Variants in HIP1 observed in about 807,000 individuals in gnomAD.
HIP1 encodes the protein huntingtin-interacting protein 1.
A neutral mutation model predicts 147.6 loss-of-function variants in HIP1; 65 were observed. The observed-to-expected ratio is 0.44, with a 90% CI of 0.36 to 0.54. HIP1 has a LOEUF of 0.54. Ranked by LOEUF, HIP1 falls within the 20% of genes least tolerant of loss-of-function variation. The pLI is 0.00. For synonymous variants in HIP1, 479 were observed against 504.0 expected, an observed-to-expected ratio of 0.95 and a Z score of 0.67; for missense variants, 1,061 against 1,299.6, an observed-to-expected ratio of 0.82 and a Z score of 2.82.
intron 1 of HIP1, among the ~76,000 whole-genome samples, chr7:75,612,367 G>A (rs781952304): frequency 6.6e-6 from 1 of 151,966 alleles, no homozygotes; most frequent in Non-Finnish European, 1.5e-5. Context: ...AAATTAGCCA[G>A]GGGTGGTGGC....
intron 1 of HIP1, chr7:75,626,611 G>A (rs1453936241): frequency 6.6e-6 from 1 of 152,176 alleles, no homozygotes; most frequent in Non-Finnish European, 1.5e-5. Context: ...AGCCCACCCA[G>A]GTAAGCACAC....
intron 17 of HIP1, 26 bp from the exon 18 acceptor site, chr7:75,556,195 G>C (rs1554493296): frequency 1.9e-6 from 3 of 1,611,488 alleles, no homozygotes; most frequent in Non-Finnish European, 2.5e-6. Flanking sequence ...CAAGGAAAGA[G>C]GGAGACGCTG....
chr7:75,675,234 T>C (rs1346855198), intron 1 of HIP1, among the ~76,000 whole-genome samples: 2 of 152,102 alleles, frequency 1.3e-5, no homozygotes, highest in African/African-American at 4.8e-5. Flanking sequence ...GAAGTCTTGC[T>C]CTGCTGCCCA....
chr7:75,699,741 T>C (rs1234137306), intron 1 of HIP1, among the ~76,000 whole-genome samples: 1 of 152,198 alleles, frequency 6.6e-6, no homozygotes, highest in Non-Finnish European at 1.5e-5. Context: ...TACCAGACCC[T>C]GAAGGTGGGT....
chr7:75,631,887 G>C (rs782517517), intron 1 of HIP1, among the ~76,000 whole-genome samples: 4 of 152,040 alleles, frequency 2.6e-5, no homozygotes, highest in Non-Finnish European at 5.9e-5. Context: ...CGTGTGTTGT[G>C]GGGGAGATTG....
chr7:75,583,756 T>TG (rs1796144551), intron 5 of HIP1, among the ~76,000 whole-genome samples: 9 of 115,406 alleles, frequency 7.8e-5, no homozygotes, highest in African/African-American at 2.7e-4. Flanking sequence ...GCGGGCTAAT[T>TG]TGTGTGTGTG....
chr7:75,711,841 G>A (rs537952494), intron 1 of HIP1, among the ~76,000 whole-genome samples: 1 of 152,248 alleles, frequency 6.6e-6, no homozygotes, highest in South Asian at 2.1e-4. Flanking sequence ...CCAGCACTTG[G>A]GAGAGAGAGG....
At chr7:75,625,792 CG>C (rs1798014386) in intron 1 of HIP1, 1 of 151,990 alleles carries the variant, frequency 6.6e-6, no homozygotes, top group African/African-American at 2.4e-5. Context: ...CTTTGGAGGC[CG>C]GGCGTGGTGG....
intron 19 of HIP1, among the ~76,000 whole-genome samples, chr7:75,555,195 C>CGGGGG (rs371043786): frequency 0.043 from 1,010 of 23,452 alleles, 21 homozygotes; most frequent in Non-Finnish European, 0.065. Flanking sequence ...AGCGGGGGGG[C>CGGGGG]GGGGGGGGGG....
intron 1 of HIP1, among the ~76,000 whole-genome samples, chr7:75,636,024 CAAAAAAAAA>C (rs34434184): frequency 1.9e-5 from 1 of 53,708 alleles, no homozygotes; most frequent in African/African-American, 9.0e-5. Context: ...GACCCTGTCT[CAAAAAAAAA>C]AAAAAAAAAA....
At chr7:75,720,050 G>T (rs1801452025) in intron 1 of HIP1, among the ~76,000 whole-genome samples, 1 of 152,196 alleles carries the variant, frequency 6.6e-6, no homozygotes, top group Non-Finnish European at 1.5e-5. Context: ...AGTGCATGAA[G>T]CTGGTGGAAG....
rs782438239 is a variant in HIP1, at chr7:75,539,338, C to T, written c.3046G>A (p.Glu1016Lys). ...KKHYELAGVA[E>K]GWEEGTEASP... The stretch of plus-strand genomic sequence containing the variant: ...GTCAGCTTACCTTCTTCCCAGCCCT[C>T]AGCAACACCAGCAAGCTCGTAGTGC... The change falls in exon 30 of 31, where the codon GAG becomes AAG. Residue 1016 changes from glutamate (E) to lysine (K), a missense_variant. Physicochemically the swap from Glu to Lys is moderately conservative, Grantham distance 56. Around this residue, in one of 3 missense-constraint regions of HIP1, gnomAD observed 810 missense variants for 946.8 expected, o/e 0.86. Transcript: ENST00000336926. The T allele has an allele frequency of 4.3e-6, 7 of 1,613,884 alleles. 1 individual carries two copies. The South Asian group carries it at 5.5e-5, about 13-fold the overall frequency.
intron 1 of HIP1, among the ~76,000 whole-genome samples, chr7:75,693,794 GGAGAGAAAGAGA>G (rs1800536332): frequency 6.6e-6 from 1 of 151,124 alleles, no homozygotes; most frequent in South Asian, 2.1e-4. Flanking sequence ...GGAGGGAGGG[GGAGAGAAAGAGA>G]GAGAGAAAGA....
intron 1 of HIP1, among the ~76,000 whole-genome samples, chr7:75,671,639 T>C (rs1799732077): frequency 6.6e-6 from 1 of 152,184 alleles, no homozygotes; most frequent in Non-Finnish European, 1.5e-5. Context: ...GGAGCTGCCA[T>C]ACTGTTTTTC....
At chr7:75,542,053 C>G in intron 28 of HIP1, 73 bp from the exon 29 acceptor site, 1 of 1,223,280 alleles carries the variant, frequency 8.2e-7, no homozygotes, top group Non-Finnish European at 1.2e-6. Context: ...GCAGCCAATG[C>G]CAATGCTCTG....
intron 13 of HIP1, 51 bp from the exon 14 acceptor site, chr7:75,559,966 G>A (rs782388670): frequency 2.5e-5 from 38 of 1,499,296 alleles, no homozygotes; most frequent in Middle Eastern, 2.2e-4. Flanking sequence ...CACGGGTCAC[G>A]GGCATGGGCC....
intron 1 of HIP1, among the ~76,000 whole-genome samples, chr7:75,636,729 T>A (rs1554509745): frequency 6.6e-6 from 1 of 152,212 alleles, no homozygotes; most frequent in African/African-American, 2.4e-5. Context: ...ATATCACTTT[T>A]GTTTGGACCC....
intron 22 of HIP1, among the ~76,000 whole-genome samples, chr7:75,552,609 G>A (rs1554492331): frequency 1.3e-5 from 2 of 151,308 alleles, no homozygotes; most frequent in African/African-American, 2.4e-5. Flanking sequence ...CTCCTGCCTC[G>A]GCCTCCCAAA....
At chr7:75,599,325 C>A (rs1427407456) in intron 1 of HIP1, 78 bp from the exon 2 acceptor site, 1 of 1,140,272 alleles carries the variant, frequency 8.8e-7, no homozygotes, top group Admixed American at 1.7e-5. Context: ...CTCCCAGATG[C>A]CCGCCCCTTT....
Sources: gnomAD v4.1 joint callset for allele counts (sites outside exome capture counted in the v4.1 genomes callset) on GRCh38, gnomAD v4.1.1 for gene constraint, gnomAD v4.1.1 regional missense constraint, MANE v1.5 for transcripts, NCBI Gene and HGNC (gene_info 2026-07-23, HGNC 2026-07-21) for gene names.